YAE1: variants seen among roughly 807,000 people sequenced by gnomAD.
The protein encoded by YAE1 is protein YAE1 homolog.
In YAE1, 22 loss-of-function variants were observed where a neutral mutation model predicts 23.0. The ratio of observed to expected loss-of-function variants is 0.96; its 90% confidence interval spans 0.68 to 1.37. YAE1 has a LOEUF of 1.37. Ranked by LOEUF, YAE1 falls within the 40% of genes most tolerant of loss-of-function variation. The pLI is 0.00. For missense variants in YAE1, 260 were observed against 262.1 expected (o/e 0.99, Z 0.06); for synonymous variants, 101 against 97.0 (o/e 1.04, Z -0.24).
chr7:39,609,664 G>T (rs1159780678), exon 3 of YAE1: 1 of 1,535,590 alleles, frequency 6.5e-7, no homozygotes, highest in Non-Finnish European at 8.7e-7. Flanking sequence ...CCGCTGAGGA[G>T]TCCGGAGGTT....
In YAE1 at chr7:39,572,875, AG is replaced by A; in HGVS notation, c.*170del. On this transcript the variant is annotated 3_prime_UTR_variant, in exon 3 of 3. Transcript: ENST00000223273. ...AATTAACACTATTAAATGTAATATA[AG>A]CCTTTTTTCTTTGTCACTGGTAATT... 7.8e-7 allele frequency: 1 copy of A among 1,276,742 alleles called. No individual in the cohort carries two copies. The highest frequency in any genetic ancestry group is 3.7e-5 in the Admixed American group (1 of 26,750). 79.1% of individuals were successfully genotyped at this position (1,276,742 alleles called of 1,614,324 possible). A position where few individuals can be genotyped will look rare whatever the true frequency, so the allele number is the denominator to read the frequency against.
At chr7:39,569,442 C>A in intron 1 of YAE1, 1 of 488,070 alleles carries the variant, frequency 2.0e-6, no homozygotes. Flanking sequence ...AGTCTTTGTT[C>A]CTTCTTTACT....
intron 1 of YAE1, chr7:39,569,393 A>G: frequency 2.3e-6 from 1 of 434,294 alleles, no homozygotes; most frequent in Middle Eastern, 3.7e-4. Flanking sequence ...GTGACCAGTG[A>G]TGGACCCAGA....
chr7:39,577,932 G>T (rs1790680496), intron 2 of YAE1, among the ~76,000 whole-genome samples: 1 of 152,148 alleles, frequency 6.6e-6, no homozygotes, highest in Non-Finnish European at 1.5e-5. Context: ...TCAGCACTCT[G>T]TGTCTAGCTC....
intron 2 of YAE1, among the ~76,000 whole-genome samples, chr7:39,598,375 C>T (rs1281556909): frequency 6.7e-6 from 1 of 150,222 alleles, no homozygotes; most frequent in East Asian, 1.9e-4. Flanking sequence ...TTCCAGAGTA[C>T]TAGGATTACA....
intron 2 of YAE1, among the ~76,000 whole-genome samples, chr7:39,598,493 C>T (rs1448585645): frequency 6.7e-6 from 1 of 149,034 alleles, no homozygotes; most frequent in Non-Finnish European, 1.5e-5. Context: ...AAGAAAGCAA[C>T]AGGCAAGGTG....
chr7:39,570,801 A>C, intron 2 of YAE1, 174 bp downstream of exon 2: 2 of 715,740 alleles, frequency 2.8e-6, no homozygotes, highest in South Asian at 2.4e-5. Flanking sequence ...TTATCAGCTC[A>C]TCTACTTTAA....
At chr7:39,604,572 G>A (rs1791102838) in intron 2 of YAE1, among the ~76,000 whole-genome samples, 1 of 152,168 alleles carries the variant, frequency 6.6e-6, no homozygotes, top group Non-Finnish European at 1.5e-5. Context: ...TTATCTTAGA[G>A]GAGTTTGGGA....
At chr7:39,609,804 C>T (rs1286209183) in exon 3 of YAE1, 37 of 1,531,560 alleles carry the variant, frequency 2.4e-5, no homozygotes, top group Non-Finnish European at 3.1e-5. Context: ...CGCCACTCCC[C>T]GCTTCCCCGC....
chr7:39,596,210 T>C (rs1049764786), intron 2 of YAE1, among the ~76,000 whole-genome samples: 4 of 152,186 alleles, frequency 2.6e-5, no homozygotes, highest in African/African-American at 4.8e-5. Flanking sequence ...TTTTCTTTTT[T>C]TGGAGGCGGA....
intron 2 of YAE1, among the ~76,000 whole-genome samples, chr7:39,606,864 C>T (rs1328258378): frequency 1.3e-5 from 2 of 152,158 alleles, no homozygotes; most frequent in Non-Finnish European, 1.5e-5. Flanking sequence ...AAAATATATA[C>T]TTTCTCGTTT....
At chr7:39,580,693 G>A (rs944733587) in intron 2 of YAE1, among the ~76,000 whole-genome samples, 6 of 152,214 alleles carry the variant, frequency 3.9e-5, no homozygotes, top group African/African-American at 1.4e-4. Flanking sequence ...CAAGAAGCTA[G>A]TGATTATCCC....
intron 2 of YAE1, among the ~76,000 whole-genome samples, chr7:39,580,072 A>G (rs781455218): frequency 1.3e-5 from 2 of 152,200 alleles, no homozygotes; most frequent in Non-Finnish European, 2.9e-5. Context: ...CATAATAACC[A>G]ACAGTTATAA....
At chr7:39,573,744 C>T (rs536963066), downstream of YAE1, among the ~76,000 whole-genome samples, 1 of 152,234 alleles carries the variant, frequency 6.6e-6, no homozygotes, top group East Asian at 1.9e-4. Flanking sequence ...AAAATGTACA[C>T]TGTACTATGA....
chr7:39,609,351 A>G (rs1791172724), intron 2 of YAE1, among the ~76,000 whole-genome samples: 1 of 152,242 alleles, frequency 6.6e-6, no homozygotes, highest in African/African-American at 2.4e-5. Flanking sequence ...TTTAAAAGGA[A>G]ATGCAGTCAT....
intron 2 of YAE1, among the ~76,000 whole-genome samples, chr7:39,579,584 G>A (rs1004155260): frequency 3.7e-4 from 56 of 151,030 alleles, no homozygotes; most frequent in African/African-American, 1.3e-3. Context: ...CAGGAGAATC[G>A]CTTGAACCCA....
At chr7:39,567,184 C>T (rs537229652) in intron 1 of YAE1, among the ~76,000 whole-genome samples, 130 of 152,220 alleles carry the variant, frequency 8.5e-4, no homozygotes, top group Non-Finnish European at 1.5e-3. Flanking sequence ...TCCACATCCA[C>T]TTAATATATT....
intron 2 of YAE1, among the ~76,000 whole-genome samples, chr7:39,606,183 A>C (rs1178003660): frequency 6.6e-6 from 1 of 151,724 alleles, no homozygotes; most frequent in Non-Finnish European, 1.5e-5. Context: ...TTTTGTGCTC[A>C]AAAAAAATAA....
intron 2 of YAE1, among the ~76,000 whole-genome samples, chr7:39,601,637 G>T (rs1435554305): frequency 6.6e-6 from 1 of 151,736 alleles, no homozygotes; most frequent in African/African-American, 2.4e-5. Flanking sequence ...GCGGGCGCCT[G>T]TAGTCCAGCT....
Sources: allele counts gnomAD v4.1 joint callset (sites outside exome capture counted in the v4.1 genomes callset), GRCh38; gene constraint gnomAD v4.1.1; transcripts MANE v1.5; gene names NCBI Gene and HGNC (gene_info 2026-07-23, HGNC 2026-07-21).